WIPF3: variants seen among roughly 807,000 people sequenced by gnomAD.
WIPF3 encodes WAS/WASL interacting protein family member 3.
Under a neutral mutation model 38.9 loss-of-function variants are expected in WIPF3, and 33 were observed. The ratio of observed to expected loss-of-function variants is 0.85; its 90% CI spans 0.64 to 1.14. The LOEUF (loss-of-function observed/expected upper bound fraction) is 1.14, where lower values mean the gene tolerates loss of function less well. Among genes scored for constraint, WIPF3 ranks in the 50% most tolerant of loss-of-function variants. The pLI, the probability that WIPF3 is intolerant of heterozygous loss-of-function variation, is 0.00. For synonymous variants in WIPF3, 324 were observed against 269.3 expected (o/e 1.20, Z -1.99); for missense variants, 711 against 652.5 (o/e 1.09, Z -0.98).
At chr7:29,842,536 C>T (rs1225939669) in intron 2 of WIPF3, among the ~76,000 whole-genome samples, 3 of 152,114 alleles carry the variant, frequency 2.0e-5, no homozygotes, top group African/African-American at 7.2e-5. Context: ...TGATTTTTCT[C>T]CTTGTAGTCT....
At chr7:29,840,646 A>G (rs757436574) in intron 2 of WIPF3, among the ~76,000 whole-genome samples, 14 of 152,230 alleles carry the variant, frequency 9.2e-5, no homozygotes, top group Non-Finnish European at 1.6e-4. Flanking sequence ...ATGTTGTGAA[A>G]GAAAAAAGTA....
intron 2 of WIPF3, among the ~76,000 whole-genome samples, chr7:29,854,288 A>G (rs1049973850): frequency 1.3e-5 from 2 of 152,226 alleles, no homozygotes; most frequent in Non-Finnish European, 2.9e-5. Flanking sequence ...AATTTTCTCT[A>G]TATTTATAGA....
intron 8 of WIPF3, among the ~76,000 whole-genome samples, chr7:29,912,047 T>C (rs1409778542): frequency 6.6e-6 from 1 of 152,094 alleles, no homozygotes; most frequent in Non-Finnish European, 1.5e-5. Context: ...GAGATTAATA[T>C]CCATGATATA....
At chr7:29,868,956 A>G (rs1785441712) in intron 2 of WIPF3, among the ~76,000 whole-genome samples, 1 of 152,162 alleles carries the variant, frequency 6.6e-6, no homozygotes, top group South Asian at 2.1e-4. Flanking sequence ...ATGTGCACAC[A>G]CGCACACACA....
In WIPF3 at chr7:29,884,037, T is replaced by A; in HGVS notation, c.543T>A (p.Pro181=). 1 of 531,312 alleles carries A rather than the reference T, an allele frequency of 1.9e-6. No homozygotes were observed. Among genetic ancestry groups the A allele is most frequent in the Non-Finnish European group, 2.3e-6 (1 of 438,238 alleles). The allele number at this position is 531,312 out of a possible 1,614,324, so 32.9% of individuals were successfully genotyped here. The change falls in exon 5 of 9, where the codon CCT becomes CCA. Residue 181 remains proline (P), a synonymous_variant. Transcript: ENST00000242140. Reference sequence around the variant, plus strand: ...CCCCGCCCCCTCCCACCCCACCCCCTCCGCCTCCACCCTTACCCCCGCCCC... The same window carrying A: ...CCCCGCCCCCTCCCACCCCACCCCCACCGCCTCCACCCTTACCCCCGCCCC... ...VPAPPPPTPP[P]PPPPLPPPLP... is the part of the protein sequence containing the mutation.
chr7:29,867,265 G>C (rs1448570625), intron 2 of WIPF3, among the ~76,000 whole-genome samples: 1 of 152,178 alleles, frequency 6.6e-6, no homozygotes, highest in East Asian at 1.9e-4. Flanking sequence ...TTTCAAATGA[G>C]AAAGAGAGCA....
Position 29,904,277 on chromosome 7 carries a change from T to A in WIPF3, c.1352-9T>A, listed in dbSNP as rs565172486. The stretch of plus-strand genomic sequence containing the variant: ...CAATAGATAATGAGATTGTTCTTTT[T>A]TCCTTCAGGCCGTACACCTGGTCCC... On this transcript the variant is annotated splice_polypyrimidine_tract_variant and intron_variant, in intron 7 of 8. Coordinates refer to ENST00000242140, the MANE Select transcript of WIPF3 (RefSeq NM_001080529.3). The A allele has an allele frequency of 6.2e-7, 1 of 1,613,814 alleles. No homozygotes were observed. Among genetic ancestry groups the A allele is most frequent in the Admixed American group, 1.7e-5 (1 of 59,984 alleles).
chr7:29,836,726 C>A (rs1172553252), intron 2 of WIPF3, among the ~76,000 whole-genome samples: 3 of 152,358 alleles, frequency 2.0e-5, no homozygotes, highest in South Asian at 2.1e-4. Flanking sequence ...CAGTGGCTCA[C>A]ACCTGTTATC....
Position 29,878,886 on chromosome 7 carries a change from G to T in WIPF3, c.224-123G>T. 2.6e-6 allele frequency: 3 copies of T among 1,141,774 alleles called. No individual in the cohort carries two copies. Among genetic ancestry groups the T allele is most frequent in the Non-Finnish European group, 3.7e-6 (3 of 809,746 alleles). 70.7% of individuals were successfully genotyped at this position (1,141,774 alleles called of 1,614,324 possible). Reference sequence around the variant, plus strand: ...TGCTGAGTGAAAGGATGACATTGGAGGTGGGAGAATGGGAAGGCTGACAAG... The same window carrying T: ...TGCTGAGTGAAAGGATGACATTGGATGTGGGAGAATGGGAAGGCTGACAAG... On this transcript the variant is annotated intron_variant, in intron 3 of 8. Coordinates refer to ENST00000242140, the MANE Select transcript of WIPF3 (RefSeq NM_001080529.3). This position sits in a 1 kb window ranked among gnomAD's most constrained non-coding sequence, Gnocchi z 4.0.
intron 1 of WIPF3, among the ~76,000 whole-genome samples, chr7:29,830,477 A>G (rs1784700111): frequency 6.6e-6 from 1 of 152,030 alleles, no homozygotes; most frequent in Non-Finnish European, 1.5e-5. Context: ...AAAATTAGCC[A>G]GGGGTGGCAG....
intron 5 of WIPF3, among the ~76,000 whole-genome samples, 169 bp from the exon 6 acceptor site, chr7:29,887,899 C>G (rs1049713363): frequency 1.3e-5 from 2 of 152,176 alleles, no homozygotes; most frequent in East Asian, 3.8e-4. Context: ...CTACTTATCC[C>G]AACAGGAGAA....
At chr7:29,820,785 A>G (rs1784522714) in intron 1 of WIPF3, among the ~76,000 whole-genome samples, 1 of 152,158 alleles carries the variant, frequency 6.6e-6, no homozygotes, top group Non-Finnish European at 1.5e-5. Context: ...TGAGAAATAG[A>G]CGTGATTTAT....
At chr7:29,907,094 C>G (rs1786412087) in intron 8 of WIPF3, among the ~76,000 whole-genome samples, 1 of 152,168 alleles carries the variant, frequency 6.6e-6, no homozygotes, top group Non-Finnish European at 1.5e-5. Context: ...AATGACCTCA[C>G]TAAAGGTAAC....
chr7:29,840,897 G>A (rs1045639202), intron 2 of WIPF3, among the ~76,000 whole-genome samples: 1 of 152,136 alleles, frequency 6.6e-6, no homozygotes, highest in Non-Finnish European at 1.5e-5. Context: ...AAGCCAGGGT[G>A]ATCGGACATA....
chr7:29,902,265 C>CTTTTTTTTTTTTTTTTTTTT (rs141174377), intron 7 of WIPF3, among the ~76,000 whole-genome samples: 21 of 116,426 alleles, frequency 1.8e-4, no homozygotes, highest in African/African-American at 3.9e-4. Flanking sequence ...TTTTCTTCTT[C>CTTTTTTTTTTTTTTTTTTTT]TTCTTCTTCT....
At chr7:29,853,205 C>T (rs1442997444) in intron 2 of WIPF3, among the ~76,000 whole-genome samples, 1 of 152,192 alleles carries the variant, frequency 6.6e-6, no homozygotes, top group African/African-American at 2.4e-5. Context: ...CAAGTCGTTC[C>T]ACCAACTCTT....
intron 4 of WIPF3, among the ~76,000 whole-genome samples, chr7:29,879,647 C>T (rs900058911): frequency 6.6e-6 from 1 of 152,188 alleles, no homozygotes; most frequent in African/African-American, 2.4e-5. Flanking sequence ...GCTGGGCTCC[C>T]TCTTGCATCT....
chr7:29,853,568 A>G (rs1156999182), intron 2 of WIPF3, among the ~76,000 whole-genome samples: 1 of 152,246 alleles, frequency 6.6e-6, no homozygotes, highest in Non-Finnish European at 1.5e-5. Context: ...CTTCTCTGAC[A>G]GTGTTTCTCA....
At chr7:29,890,962 C>A (rs174981) in intron 7 of WIPF3, among the ~76,000 whole-genome samples, 1 of 44,042 alleles carries the variant, frequency 2.3e-5, no homozygotes. Context: ...CGGGCCTGCC[C>A]TGTGCTCAGG....
Sources: allele counts gnomAD v4.1 joint callset (sites outside exome capture counted in the v4.1 genomes callset), GRCh38; gene constraint gnomAD v4.1.1; non-coding constraint Gnocchi (gnomAD v3.1); transcripts MANE v1.5; gene names NCBI Gene and HGNC (gene_info 2026-07-23, HGNC 2026-07-21).